GRIA1: variants seen among roughly 807,000 people sequenced by gnomAD.
GRIA1 encodes glutamate ionotropic receptor AMPA type subunit 1.
Under a neutral mutation model 99.2 loss-of-function variants are expected in GRIA1, and 31 were observed. That is an observed-to-expected ratio of 0.31 (90% confidence interval 0.23 to 0.42). GRIA1 has a LOEUF of 0.42. Among genes scored for constraint, GRIA1 ranks in the 10% least tolerant of loss-of-function variants. GRIA1 has a pLI of 1.00. For synonymous variants in GRIA1, 438 were observed against 432.4 expected (o/e 1.01, Z -0.16); for missense variants, 782 against 1,157.5 (o/e 0.68, Z 4.71).
At chr5:153,648,378 C>T (rs1291474877) in intron 3 of GRIA1, among the ~76,000 whole-genome samples, 4 of 152,104 alleles carry the variant, frequency 2.6e-5, no homozygotes, top group South Asian at 4.2e-4. Flanking sequence ...TGTACCTTTG[C>T]TTGTGGGAGA....
chr5:153,748,765 T>C (rs1458696620), intron 11 of GRIA1, among the ~76,000 whole-genome samples: 1 of 152,172 alleles, frequency 6.6e-6, no homozygotes, highest in African/African-American at 2.4e-5. Flanking sequence ...TGGACAGTGG[T>C]GCCATTTCCT....
chr5:153,638,368 C>T (rs1188853213), intron 2 of GRIA1, among the ~76,000 whole-genome samples: 1 of 152,206 alleles, frequency 6.6e-6, no homozygotes. Flanking sequence ...GAGCTCCTAA[C>T]ATGATTTTGG....
At chr5:153,504,617 C>T (rs12652927) in intron 2 of GRIA1, among the ~76,000 whole-genome samples, 30,618 of 151,876 alleles carry the variant, frequency 0.2, 3,203 homozygotes, top group Middle Eastern at 0.41. Flanking sequence ...GATCAGAAGT[C>T]AGGACAGGCA....
At chr5:153,676,866 G>A (rs1018225130) in intron 6 of GRIA1, 128 bp from the exon 7 acceptor site, 15 of 590,042 alleles carry the variant, frequency 2.5e-5, no homozygotes, top group South Asian at 5.7e-5. Context: ...TCTGCCCCAC[G>A]TATACCATGC....
chr5:153,602,454 A>G (rs1442750750), intron 2 of GRIA1, among the ~76,000 whole-genome samples: 2 of 151,794 alleles, frequency 1.3e-5, no homozygotes, highest in East Asian at 1.9e-4. Flanking sequence ...TGGGTGCAGC[A>G]CACCAGCATG....
chr5:153,762,039 G>A (rs531022424), intron 11 of GRIA1, among the ~76,000 whole-genome samples: 87 of 152,282 alleles, frequency 5.7e-4, no homozygotes, highest in African/African-American at 2.0e-3. Flanking sequence ...GTGATGGGAA[G>A]AGATTTGTGA....
intron 2 of GRIA1, among the ~76,000 whole-genome samples, chr5:153,508,142 G>A (rs1378414148): frequency 6.6e-6 from 1 of 152,232 alleles, no homozygotes; most frequent in Non-Finnish European, 1.5e-5. Context: ...AGAGTGAGCT[G>A]TAGTGCTACA....
intron 5 of GRIA1, among the ~76,000 whole-genome samples, chr5:153,659,275 A>G (rs578051806): frequency 6.6e-6 from 1 of 152,328 alleles, no homozygotes; most frequent in African/African-American, 2.4e-5. Flanking sequence ...ATGCATATAT[A>G]TGCTTGCATA....
In GRIA1 at chr5:153,812,099, C is replaced by T. The variant is rs747225054; in HGVS notation, c.*874C>T. On this transcript the variant is annotated 3_prime_UTR_variant, in exon 16 of 16. Coordinates refer to ENST00000285900, the MANE Select transcript of GRIA1 (RefSeq NM_000827.4). ...TATGTCCTCCTGGTGTGCTCAGGCT[C>T]AACGGCAGTCTGGTGGCTGAAGGCA... The T allele has an allele frequency of 6.6e-6, 1 of 152,162 alleles. No homozygotes were observed. The highest frequency in any genetic ancestry group is 1.9e-4 in the East Asian group (1 of 5,138). The allele number at this position is 152,162 out of a possible 1,614,324, so 9.4% of individuals were successfully genotyped here. A position where few individuals can be genotyped will look rare whatever the true frequency, so the allele number is the denominator to read the frequency against.
Position 153,775,753 on chromosome 5 carries a change from C to CAA in GRIA1, c.2270+5352_2270+5353dup, listed in dbSNP as rs34171571. On this transcript the variant is annotated intron_variant, in intron 13 of 15. Transcript: ENST00000285900. ...ATGCCATAAGAGAGCCAGAAACACT[C>CAA]AAAAAAAAAAAAAAAGGAGGAGAGT... is the stretch of plus-strand genomic sequence containing the variant. 4.7e-3 allele frequency among the ~76,000 whole-genome samples: 561 copies of CAA among 118,506 alleles called. 12 individuals carry two copies. The highest frequency in any genetic ancestry group is 0.015 in the African/African-American group (455 of 31,138). 77.7% of individuals were successfully genotyped at this position (118,506 alleles called of 152,430 possible).
At chr5:153,584,281 G>A (rs749356330) in intron 2 of GRIA1, among the ~76,000 whole-genome samples, 3 of 152,100 alleles carry the variant, frequency 2.0e-5, no homozygotes, top group African/African-American at 4.8e-5. Flanking sequence ...ACTAACATGT[G>A]GTATATATTA....
chr5:153,530,868 T>A lies in GRIA1; in HGVS notation c.220+36803T>A, dbSNP rs180916811. Among the ~76,000 whole-genome samples the A allele has an allele frequency of 1.1e-4, 16 of 152,338 alleles. No individual in the cohort carries two copies. In the East Asian group the frequency reaches 2.5e-3, roughly 24 times the overall value. The stretch of plus-strand genomic sequence containing the variant: ...ATTCCAAAAATAGTTACTGAACACC[T>A]ATGATGTGCCAGTTACTGTGCCAGG... On this transcript the variant is annotated intron_variant, in intron 2 of 15. Transcript: ENST00000285900.
intron 11 of GRIA1, among the ~76,000 whole-genome samples, chr5:153,752,026 T>C (rs1295561194): frequency 6.6e-6 from 1 of 152,194 alleles, no homozygotes; most frequent in Non-Finnish European, 1.5e-5. Context: ...TTCTGTGGGC[T>C]CTGCAGTACT....
In GRIA1 at chr5:153,686,280, C is replaced by T. The variant is rs753515306; in HGVS notation, c.1085C>T (p.Thr362Ile). ...CAGTTTAATGAGAAAGGACGCCGGACCAACTACACGCTCCACGTGATTGAA... is the reference window on the plus strand; with the variant it reads ...CAGTTTAATGAGAAAGGACGCCGGATCAACTACACGCTCCACGTGATTGAA... ...NVQFNEKGRR[T>I]NYTLHVIEMK... The change falls in exon 8 of 16, where the codon ACC becomes ATC. Residue 362 changes from threonine to isoleucine, a missense_variant. Thr to Ile is a moderately conservative substitution (Grantham distance 89, BLOSUM62 -1). This residue lies in a region of GRIA1 where 461 missense variants were observed against 521.7 expected (regional missense o/e 0.88). Coordinates refer to ENST00000285900, the MANE Select transcript of GRIA1 (RefSeq NM_000827.4). 6.2e-7 allele frequency: 1 copy of T among 1,613,980 alleles called. No individual in the cohort carries two copies. Among genetic ancestry groups the T allele is most frequent in the Admixed American group, 1.7e-5 (1 of 60,020 alleles).
intron 15 of GRIA1, among the ~76,000 whole-genome samples, chr5:153,808,197 T>C (rs1581691330): frequency 6.6e-6 from 1 of 152,112 alleles, no homozygotes; most frequent in East Asian, 1.9e-4. Context: ...AAAGGGCCAA[T>C]TTTAGGGTCT....
At chr5:153,765,821 A>G (rs1763480416) in intron 12 of GRIA1, among the ~76,000 whole-genome samples, 1 of 152,236 alleles carries the variant, frequency 6.6e-6, no homozygotes, top group South Asian at 2.1e-4. Flanking sequence ...ATTAAAGATG[A>G]GTTAGAGATT....
chr5:153,743,212 T>A (rs1265605172), intron 11 of GRIA1, among the ~76,000 whole-genome samples: 1 of 152,128 alleles, frequency 6.6e-6, no homozygotes, highest in Non-Finnish European at 1.5e-5. Flanking sequence ...CACAAAAAAA[T>A]GGCTTAAGGG....
chr5:153,776,191 G>T (rs757773485), intron 13 of GRIA1, among the ~76,000 whole-genome samples: 12 of 152,304 alleles, frequency 7.9e-5, no homozygotes, highest in Non-Finnish European at 1.8e-4. Flanking sequence ...ATCTTGGTAG[G>T]AGATAATGAA....
In GRIA1 at chr5:153,722,712, T is replaced by A. The variant is rs547555906; in HGVS notation, c.1823+16645T>A. On this transcript the variant is annotated intron_variant, in intron 11 of 15. Coordinates refer to ENST00000285900, the MANE Select transcript of GRIA1 (RefSeq NM_000827.4). ...CCTTATCTTAACTACTTAAGCTTTA[T>A]AGTAAGTCTTGATAACTGGTTCTGA... Among the ~76,000 whole-genome samples, 18 of 152,350 alleles carry A rather than the reference T, an allele frequency of 1.2e-4. No individual in the cohort carries two copies. The South Asian group carries it at 3.3e-3, about 28-fold the overall frequency.
Sources: gnomAD v4.1 joint callset for allele counts (sites outside exome capture counted in the v4.1 genomes callset) on GRCh38, gnomAD v4.1.1 for gene constraint, gnomAD v4.1.1 regional missense constraint, MANE v1.5 for transcripts, NCBI Gene and HGNC (gene_info 2026-07-23, HGNC 2026-07-21) for gene names.